Variants in RGS6 observed in about 807,000 individuals in gnomAD.
RGS6 encodes the protein regulator of G-protein signaling 6.
RGS6 carries 30 observed loss-of-function variants against 78.5 expected under a neutral mutation model. The ratio of observed to expected loss-of-function variants is 0.38; its 90% CI spans 0.29 to 0.52. RGS6 has a LOEUF of 0.52. Ranked by LOEUF, RGS6 falls within the 20% of genes least tolerant of loss-of-function variation. The pLI, the probability that RGS6 is intolerant of heterozygous loss-of-function variation, is 0.85. For synonymous variants in RGS6, 206 were observed against 206.0 expected (o/e 1.00, Z 0.00); for missense variants, 495 against 609.7 (o/e 0.81, Z 1.98).
chr14:71,872,844 A>C, the RGS6 span, among the ~76,000 whole-genome samples: 2 of 152,098 alleles, frequency 1.3e-5, no homozygotes, highest in Non-Finnish European at 2.9e-5. Context: ...TCCTGTGTCC[A>C]AGTGTTCTCA....
intron 2 of RGS6, among the ~76,000 whole-genome samples, chr14:72,104,725 A>G (rs2095598821): frequency 6.6e-6 from 1 of 152,228 alleles, no homozygotes; most frequent in Admixed American, 6.5e-5. Flanking sequence ...AAGTTACCTG[A>G]CAGTGCTTGG....
At chr14:72,051,467 A>G (rs2093236220) in intron 2 of RGS6, among the ~76,000 whole-genome samples, 1 of 152,234 alleles carries the variant, frequency 6.6e-6, no homozygotes, top group African/African-American at 2.4e-5. Context: ...GAATTAAAGA[A>G]TAAGGCAAAA....
intron 2 of RGS6, among the ~76,000 whole-genome samples, chr14:72,337,999 C>G (rs563153583): frequency 1.1e-4 from 17 of 152,276 alleles, no homozygotes; most frequent in Admixed American, 7.8e-4. Flanking sequence ...ATTTCAGGAA[C>G]AGGAAGCAAA....
chr14:72,383,177 C>CGTATATAT (rs1555364445), intron 3 of RGS6, among the ~76,000 whole-genome samples: 1 of 71,024 alleles, frequency 1.4e-5, no homozygotes, highest in Admixed American at 1.6e-4. Context: ...AAAAATTGTA[C>CGTATATAT]ATATATATAT....
At chr14:72,065,754 ATTATT>A (rs560090942) in intron 2 of RGS6, among the ~76,000 whole-genome samples, 18 of 152,062 alleles carry the variant, frequency 1.2e-4, no homozygotes, top group African/African-American at 2.9e-4. Flanking sequence ...AGTGGCCCTC[ATTATT>A]TTATTTTATT....
At chr14:72,364,031 ATATTT>A (rs1328044069) in intron 3 of RGS6, among the ~76,000 whole-genome samples, 3 of 147,498 alleles carry the variant, frequency 2.0e-5, no homozygotes, top group Non-Finnish European at 3.0e-5. Context: ...AAAAAACTCT[ATATTT>A]ATATGATGGA....
At chr14:72,433,708 C>A (rs2094767462) in intron 3 of RGS6, among the ~76,000 whole-genome samples, 1 of 152,082 alleles carries the variant, frequency 6.6e-6, no homozygotes, top group Non-Finnish European at 1.5e-5. Flanking sequence ...TACAAGATGA[C>A]TCACCCTGAG....
At chr14:71,909,573 A>G in the RGS6 span, among the ~76,000 whole-genome samples, 1 of 3,320 alleles carries the variant, frequency 3.0e-4, no homozygotes, top group African/African-American at 1.7e-3. Context: ...AGAAATAAGG[A>G]CATAGAGAGA....
At chr14:72,583,735 G>A in the RGS6 span, among the ~76,000 whole-genome samples, 1 of 152,126 alleles carries the variant, frequency 6.6e-6, no homozygotes, top group African/African-American at 2.4e-5. Context: ...TTTATAAGCT[G>A]GCAGATGTGT....
At chr14:72,431,520 GTTTTATTTATTTTA>G (rs1182696902) in intron 3 of RGS6, among the ~76,000 whole-genome samples, 1 of 107,088 alleles carries the variant, frequency 9.3e-6, no homozygotes, top group Non-Finnish European at 1.9e-5. Flanking sequence ...ACTTTATTTT[GTTTTATTTATTTTA>G]TTTTATTTTA....
chr14:72,399,294 C>A (rs1020438973), intron 3 of RGS6, among the ~76,000 whole-genome samples: 1 of 152,172 alleles, frequency 6.6e-6, no homozygotes, highest in Admixed American at 6.5e-5. Context: ...TAATGGCCTT[C>A]TTTGTCTCTT....
At chr14:72,546,555 C>T (rs2097406551) in intron 17 of RGS6, among the ~76,000 whole-genome samples, 1 of 152,204 alleles carries the variant, frequency 6.6e-6, no homozygotes, top group South Asian at 2.1e-4. Context: ...CCAAAATGCT[C>T]TCCCCACGGA....
chr14:72,481,661 T>C (rs2096380591), intron 12 of RGS6, among the ~76,000 whole-genome samples: 1 of 152,220 alleles, frequency 6.6e-6, no homozygotes. Context: ...CTGCATTTCC[T>C]AGGCTGCCTT....
rs184315510 is a variant in RGS6 at position 72,538,886 on chromosome 14, G to A, written c.1369-1155G>A. On this transcript the variant is annotated intron_variant, in intron 16 of 17. Transcript: ENST00000553525. The stretch of plus-strand genomic sequence containing the variant: ...GCCCCCCAACTTCATCCACACAGGC[G>A]GCTGCCTTTGGCCTGTCCCCTCTGC... 5.1e-3 allele frequency among the ~76,000 whole-genome samples: 784 copies of A among 152,366 alleles called. 2 individuals carry two copies. Among genetic ancestry groups the A allele is most frequent in the Middle Eastern group, 0.02 (6 of 294 alleles).
chr14:72,269,276 C>T (rs1171995160), intron 2 of RGS6, among the ~76,000 whole-genome samples: 1 of 152,204 alleles, frequency 6.6e-6, no homozygotes, highest in Non-Finnish European at 1.5e-5. Flanking sequence ...CCAGATCAGA[C>T]TTGTGACTGT....
At chr14:72,355,623 T>C (rs1477352471) in intron 3 of RGS6, among the ~76,000 whole-genome samples, 1 of 152,094 alleles carries the variant, frequency 6.6e-6, no homozygotes. Context: ...TATATTCTAG[T>C]AGAGGAGGAA....
At chr14:72,533,081 C>G (rs1488584727) in intron 15 of RGS6, among the ~76,000 whole-genome samples, 1 of 152,216 alleles carries the variant, frequency 6.6e-6, no homozygotes, top group African/African-American at 2.4e-5. Context: ...CCATGCCTGG[C>G]TTCAAAGCTT....
At chr14:71,972,190 A>G (rs921644913) in intron 2 of RGS6, among the ~76,000 whole-genome samples, 9 of 151,984 alleles carry the variant, frequency 5.9e-5, no homozygotes, top group Admixed American at 5.9e-4. Context: ...ATCCCTTTTG[A>G]TAGTAAGAAG....
the RGS6 span, among the ~76,000 whole-genome samples, chr14:72,583,093 C>T: frequency 6.6e-6 from 1 of 152,178 alleles, no homozygotes; most frequent in African/African-American, 2.4e-5. Context: ...ATCAGAACTC[C>T]AGGATCTCCA....
Sources: gnomAD v4.1 joint callset for allele counts (sites outside exome capture counted in the v4.1 genomes callset) on GRCh38, gnomAD v4.1.1 for gene constraint, MANE v1.5 for transcripts, NCBI Gene and HGNC (gene_info 2026-07-23, HGNC 2026-07-21) for gene names.